Variants in DCAF6 observed in about 807,000 individuals in gnomAD.
The protein encoded by DCAF6 is DDB1- and CUL4-associated factor 6.
In DCAF6, 54 loss-of-function variants were observed where a neutral mutation model predicts 125.1. The ratio of observed to expected loss-of-function variants is 0.43; its 90% CI spans 0.35 to 0.54. The LOEUF is 0.54. DCAF6 is among the 20% of genes least tolerant of loss of function. DCAF6 has a pLI of 0.01. For synonymous variants in DCAF6, 371 were observed against 390.4 expected, an observed-to-expected ratio of 0.95 and a Z score of 0.58; for missense variants, 934 against 1,161.7, an observed-to-expected ratio of 0.80 and a Z score of 2.85.
At chr1:167,999,451 C>T (rs1682264568) in intron 7 of DCAF6, among the ~76,000 whole-genome samples, 1 of 152,176 alleles carries the variant, frequency 6.6e-6, no homozygotes, top group African/African-American at 2.4e-5. Context: ...AGCTTCTCCT[C>T]TCTAGCTGTG....
the DCAF6 span, among the ~76,000 whole-genome samples, chr1:167,912,928 A>G: frequency 6.6e-6 from 1 of 152,246 alleles, no homozygotes; most frequent in Non-Finnish European, 1.5e-5. Flanking sequence ...TGGAATATCC[A>G]GGTCTGTGGG....
At chr1:167,978,483 T>C (rs1477307616) in intron 4 of DCAF6, among the ~76,000 whole-genome samples, 1 of 152,228 alleles carries the variant, frequency 6.6e-6, no homozygotes, top group East Asian at 1.9e-4. Context: ...TTCAAATGTT[T>C]GTTGGTTATT....
chr1:168,024,887 A>C (rs565316282), intron 12 of DCAF6, among the ~76,000 whole-genome samples: 1 of 152,116 alleles, frequency 6.6e-6, no homozygotes, highest in South Asian at 2.1e-4. Flanking sequence ...ACCTTAGATG[A>C]CCTGTATTAC....
chr1:168,032,844 A>C (rs895103599), intron 12 of DCAF6, among the ~76,000 whole-genome samples: 3 of 152,198 alleles, frequency 2.0e-5, no homozygotes, highest in African/African-American at 7.2e-5. Flanking sequence ...TATTGTTGCT[A>C]TACCCTAGTT....
the DCAF6 span, among the ~76,000 whole-genome samples, chr1:167,907,754 T>C: frequency 6.6e-6 from 1 of 152,248 alleles, no homozygotes; most frequent in East Asian, 1.9e-4. Context: ...ATTAAACTTT[T>C]AAATCAAGAG....
At chr1:167,926,548 C>A in the DCAF6 span, among the ~76,000 whole-genome samples, 2 of 152,208 alleles carry the variant, frequency 1.3e-5, no homozygotes, top group Non-Finnish European at 2.9e-5. Flanking sequence ...GCCAAGTCAG[C>A]GGTTCTCAAC....
intron 12 of DCAF6, among the ~76,000 whole-genome samples, chr1:168,034,877 G>C (rs1687597002): frequency 6.6e-6 from 1 of 151,748 alleles, no homozygotes; most frequent in Non-Finnish European, 1.5e-5. Flanking sequence ...AGAGAAGTTG[G>C]GAACATTTAA....
chr1:167,879,507 G>A, the DCAF6 span, among the ~76,000 whole-genome samples: 1 of 151,570 alleles, frequency 6.6e-6, no homozygotes, highest in African/African-American at 2.4e-5. Flanking sequence ...ATCCCAACAA[G>A]CCATTAGCCC....
At chr1:167,981,058 C>T (rs1679053845) in intron 4 of DCAF6, among the ~76,000 whole-genome samples, 1 of 151,828 alleles carries the variant, frequency 6.6e-6, no homozygotes, top group African/African-American at 2.4e-5. Flanking sequence ...AGGCGCATGC[C>T]ACCACGCCCG....
the DCAF6 span, chr1:167,878,462 C>T: frequency 6.2e-7 from 1 of 1,613,922 alleles, no homozygotes; most frequent in South Asian, 1.1e-5. Context: ...TCAGTACGGC[C>T]CCAATACTGA....
chr1:167,981,143 G>A (rs1571784303), intron 4 of DCAF6, among the ~76,000 whole-genome samples: 1 of 152,056 alleles, frequency 6.6e-6, no homozygotes, highest in East Asian at 1.9e-4. Flanking sequence ...CTGAGCTCAG[G>A]TAATCTGCCC....
the DCAF6 span, among the ~76,000 whole-genome samples, chr1:167,907,999 T>C: frequency 1.1e-4 from 17 of 152,186 alleles, no homozygotes; most frequent in African/African-American, 3.9e-4. Context: ...TGGAAAATAA[T>C]ATGCAGGTTC....
intron 17 of DCAF6, among the ~76,000 whole-genome samples, chr1:168,053,174 C>T (rs763374460): frequency 6.6e-6 from 1 of 152,150 alleles, no homozygotes; most frequent in African/African-American, 2.4e-5. Context: ...CATATATTCC[C>T]TAATCAAAAA....
chr1:168,024,220 TAA>T (rs374506657), intron 12 of DCAF6, among the ~76,000 whole-genome samples: 4,307 of 124,632 alleles, frequency 0.035, 193 homozygotes, highest in African/African-American at 0.11. Flanking sequence ...CCCATCTCTT[TAA>T]AAAAAAAAAA....
intron 17 of DCAF6, among the ~76,000 whole-genome samples, chr1:168,051,261 G>C (rs1340212466): frequency 6.6e-6 from 1 of 152,112 alleles, no homozygotes; most frequent in Non-Finnish European, 1.5e-5. Context: ...TGCAATTTAT[G>C]TTTTTTAAAT....
chr1:168,073,608 A>G (rs763213593), intron 21 of DCAF6, among the ~76,000 whole-genome samples: 23 of 152,168 alleles, frequency 1.5e-4, no homozygotes, highest in Middle Eastern at 6.8e-3. Context: ...TTAACTCTCT[A>G]TTATCCCATC....
At chr1:167,917,974 T>C in the DCAF6 span, 1 of 181,106 alleles carries the variant, frequency 5.5e-6, no homozygotes, top group Non-Finnish European at 1.2e-5. Context: ...CATCCTACAC[T>C]AAATAAGCAG....
At chr1:168,012,565 A>G (rs1684448515) in intron 10 of DCAF6, among the ~76,000 whole-genome samples, 2 of 152,218 alleles carry the variant, frequency 1.3e-5, no homozygotes, top group Admixed American at 6.5e-5. Context: ...TGTTTGTGAT[A>G]TCTTTTTAAA....
Position 168,056,421 on chromosome 1 carries a change from A to T in DCAF6, c.2300+5488A>T, listed in dbSNP as rs1247461758. On this transcript the variant is annotated intron_variant, in intron 17 of 21. Transcript: ENST00000367840. Reference sequence around the variant, plus strand: ...CACGCTCCGCACCACTCGCAGCGCCATGTTCGCAGGGGTGCGGGGGTCGCA... The same window carrying T: ...CACGCTCCGCACCACTCGCAGCGCCTTGTTCGCAGGGGTGCGGGGGTCGCA... The T allele has an allele frequency of 2.1e-6, 3 of 1,427,414 alleles. No homozygotes were observed. The East Asian group carries it at 7.5e-5, about 36-fold the overall frequency. The allele number at this position is 1,427,414 out of a possible 1,614,324, so 88.4% of individuals were successfully genotyped here. A position where few individuals can be genotyped will look rare whatever the true frequency, so the allele number is the denominator to read the frequency against.
Sources: allele counts gnomAD v4.1 joint callset (sites outside exome capture counted in the v4.1 genomes callset), GRCh38; gene constraint gnomAD v4.1.1; transcripts MANE v1.5; gene names NCBI Gene and HGNC (gene_info 2026-07-23, HGNC 2026-07-21).